NRXN3: variants seen among roughly 807,000 people sequenced by gnomAD.
NRXN3 encodes neurexin 3.
NRXN3 carries 32 observed loss-of-function variants against 137.6 expected under a neutral mutation model. The observed-to-expected ratio is 0.23, with a 90% CI of 0.18 to 0.31. NRXN3 has a LOEUF of 0.31. Among genes scored for constraint, NRXN3 ranks in the 10% least tolerant of loss-of-function variants. The probability of loss-of-function intolerance (pLI) is 1.00; values close to 1 mark genes in which losing one functional copy is unlikely to be tolerated. For missense variants in NRXN3, 1,574 were observed against 2,062.5 expected, an observed-to-expected ratio of 0.76 and a Z score of 4.59; for synonymous variants, 798 against 784.5, an observed-to-expected ratio of 1.02 and a Z score of -0.29.
At chr14:79,834,700 GGA>G (rs532362831) in intron 20 of NRXN3, among the ~76,000 whole-genome samples, 3 of 152,128 alleles carry the variant, frequency 2.0e-5, no homozygotes, top group South Asian at 4.2e-4. Flanking sequence ...ACCAAAACCA[GGA>G]AAGTTTGCAT....
intron 15 of NRXN3, among the ~76,000 whole-genome samples, chr14:79,145,374 G>A (rs7156708): frequency 0.98 from 149,637 of 152,266 alleles, 73,582 homozygotes; most frequent in Middle Eastern, 1. Flanking sequence ...ACCAGAGACC[G>A]AAAGTCATAT....
intron 16 of NRXN3, among the ~76,000 whole-genome samples, chr14:79,567,782 G>A (rs1397099507): frequency 6.6e-6 from 1 of 152,106 alleles, no homozygotes. Context: ...GCTGGACTAT[G>A]CTTTGTCAAT....
At chr14:78,402,705 A>G (rs1487257603) in intron 4 of NRXN3, among the ~76,000 whole-genome samples, 1 of 152,172 alleles carries the variant, frequency 6.6e-6, no homozygotes, top group African/African-American at 2.4e-5. Flanking sequence ...CCTCTTAACC[A>G]TGTGACTTTG....
chr14:78,458,675 A>G (rs2094826826), intron 4 of NRXN3, among the ~76,000 whole-genome samples: 1 of 152,240 alleles, frequency 6.6e-6, no homozygotes, highest in African/African-American at 2.4e-5. Context: ...ATCCTACCAA[A>G]TAACATTCTC....
chr14:78,657,579 T>C (rs1278531294), intron 6 of NRXN3, among the ~76,000 whole-genome samples: 4 of 152,356 alleles, frequency 2.6e-5, no homozygotes, highest in South Asian at 2.1e-4. Context: ...TAGAACATCA[T>C]TGTGCACATT....
At position 78,585,816 on chromosome 14, in the gene NRXN3, G is replaced by A. The variant is rs142028405; in HGVS notation, c.758-59304G>A. Among the ~76,000 whole-genome samples the A allele has an allele frequency of 7.0e-3, 1,064 of 152,240 alleles. 18 individuals carry two copies. The highest frequency in any genetic ancestry group is 0.024 in the African/African-American group (1,002 of 41,538). The stretch of plus-strand genomic sequence containing the variant: ...GGTTCAGCTTTGGACTTGCATTTCC[G>A]TGTCTAGGAGACACTCTAGTAGAGA... On this transcript the variant is annotated intron_variant, in intron 4 of 20. Coordinates refer to ENST00000335750, the MANE Select transcript of NRXN3 (RefSeq NM_001330195.2).
chr14:78,228,765 T>A (rs1447456878), intron 1 of NRXN3, among the ~76,000 whole-genome samples: 1 of 152,146 alleles, frequency 6.6e-6, no homozygotes, highest in Non-Finnish European at 1.5e-5. Context: ...CTTAACTGAA[T>A]CCCAGAATAC....
Position 78,709,286 on chromosome 14 carries a change from A to G in NRXN3, c.1291A>G (p.Lys431Glu). The G allele has an allele frequency of 6.2e-7, 1 of 1,614,136 alleles. No homozygotes were observed. Among genetic ancestry groups the G allele is most frequent in the South Asian group, 1.1e-5 (1 of 91,076 alleles). The stretch of plus-strand genomic sequence containing the variant: ...GGCCCGGATTGCGGACACCAAGATG[A>G]AAATCTATGGCGAAGTTGTGTTTAA... ...RLARIADTKM[K>E]IYGEVVFKCE... Residue 431 changes from lysine to glutamate, a missense_variant, in exon 7 of 21, where the codon AAA (lysine) becomes GAA (glutamate). By Grantham distance (56) the Lys-to-Glu change is moderately conservative. Around this residue, in one of 5 missense-constraint regions of NRXN3, gnomAD observed 718 missense variants for 887.6 expected, o/e 0.81. Coordinates refer to ENST00000335750, the MANE Select transcript of NRXN3 (RefSeq NM_001330195.2).
intron 10 of NRXN3, among the ~76,000 whole-genome samples, chr14:78,915,034 G>A (rs2099251066): frequency 6.6e-6 from 1 of 152,130 alleles, no homozygotes; most frequent in South Asian, 2.1e-4. Context: ...AAGATATTGA[G>A]ATAGTACCTG....
chr14:79,013,096 G>A (rs1594905483), intron 15 of NRXN3, among the ~76,000 whole-genome samples: 2 of 152,138 alleles, frequency 1.3e-5, no homozygotes, highest in African/African-American at 4.8e-5. Context: ...TTAGCTATGG[G>A]ACTTTTCAGC....
At chr14:78,863,322 A>G (rs2099077918) in intron 10 of NRXN3, among the ~76,000 whole-genome samples, 1 of 152,206 alleles carries the variant, frequency 6.6e-6, no homozygotes, top group Non-Finnish European at 1.5e-5. Flanking sequence ...GAGGTTTATC[A>G]GTTCAGCCCC....
intron 4 of NRXN3, among the ~76,000 whole-genome samples, chr14:78,351,689 TTTA>T (rs1567336649): frequency 6.6e-6 from 1 of 152,168 alleles, no homozygotes; most frequent in South Asian, 2.1e-4. Flanking sequence ...GTTGGAATTC[TTTA>T]TTATTCTGGA....
In NRXN3 at chr14:78,661,323, C is replaced by T. The variant is rs376103018; in HGVS notation, c.1221+9997C>T. 3.3e-5 allele frequency among the ~76,000 whole-genome samples: 5 copies of T among 152,202 alleles called. No individual in the cohort carries two copies. The East Asian group carries it at 5.8e-4, about 18-fold the overall frequency. On this transcript the variant is annotated intron_variant, in intron 6 of 20. Coordinates refer to ENST00000335750, the MANE Select transcript of NRXN3 (RefSeq NM_001330195.2). Reference sequence around the variant, plus strand: ...TGATTCAGAAAAGTACTATGGACCTCATCTAGCTAAATAGCAGCAAAGTTT... The same window carrying T: ...TGATTCAGAAAAGTACTATGGACCTTATCTAGCTAAATAGCAGCAAAGTTT...
intron 10 of NRXN3, among the ~76,000 whole-genome samples, chr14:78,905,775 A>G (rs189042047): frequency 6.6e-6 from 1 of 152,076 alleles, no homozygotes; most frequent in Non-Finnish European, 1.5e-5. Context: ...TCCCAATTTG[A>G]AAGATAATCC....
At chr14:79,770,479 G>A (rs146890517) in intron 19 of NRXN3, among the ~76,000 whole-genome samples, 39,601 of 99,074 alleles carry the variant, frequency 0.4, 7,635 homozygotes, top group Middle Eastern at 0.55. Context: ...CTCACTCAAA[G>A]CCGCTCAACT....
Position 79,697,926 on chromosome 14 carries a change from G to A in NRXN3, c.4003G>A (p.Ala1335Thr). ...TTTTRKNRST[A>T]SIQPTSDDLV... ...CACAACCCGTAAGAATCGCTCTACAGCCAGCATTCAGGTAGGCCTTTTTCC... is the reference window on the plus strand; with the variant it reads ...CACAACCCGTAAGAATCGCTCTACAACCAGCATTCAGGTAGGCCTTTTTCC... The change falls in exon 19 of 21, where the codon GCC becomes ACC. Residue 1335 changes from alanine (A) to threonine (T), a missense_variant. This residue lies in a region of NRXN3 where 320 missense variants were observed against 387.1 expected (regional missense o/e 0.83). Coordinates refer to ENST00000335750, the MANE Select transcript of NRXN3 (RefSeq NM_001330195.2). 1 of 1,609,686 alleles carries A rather than the reference G, an allele frequency of 6.2e-7. No individual in the cohort carries two copies. The highest frequency in any genetic ancestry group is 8.5e-7 in the Non-Finnish European group (1 of 1,176,500).
chr14:79,302,058 A>T (rs1430186294), intron 15 of NRXN3, among the ~76,000 whole-genome samples: 1 of 152,016 alleles, frequency 6.6e-6, no homozygotes, highest in African/African-American at 2.4e-5. Flanking sequence ...AAATGTCAGC[A>T]TGCATGGGTG....
At chr14:79,235,567 C>T (rs1224607593) in intron 15 of NRXN3, among the ~76,000 whole-genome samples, 2 of 152,290 alleles carry the variant, frequency 1.3e-5, no homozygotes, top group South Asian at 2.1e-4. Flanking sequence ...CATTCTTGCA[C>T]TTGCCTTCCT....
intron 15 of NRXN3, among the ~76,000 whole-genome samples, chr14:79,111,018 C>A (rs1204591843): frequency 2.6e-5 from 4 of 152,072 alleles, no homozygotes; most frequent in Admixed American, 1.3e-4. Context: ...TCTTGATCTC[C>A]TGACCTCGTG....
Sources: gnomAD v4.1 joint callset for allele counts (sites outside exome capture counted in the v4.1 genomes callset) on GRCh38, gnomAD v4.1.1 for gene constraint, gnomAD v4.1.1 regional missense constraint, MANE v1.5 for transcripts, NCBI Gene and HGNC (gene_info 2026-07-23, HGNC 2026-07-21) for gene names.